The following DNAJC15 variants were observed in gnomAD, a reference collection of about 807,000 sequenced individuals.
The protein encoded by DNAJC15 is DnaJ heat shock protein family (Hsp40) member C15, also known as dnaJ homolog subfamily C member 15.
A neutral mutation model predicts 22.4 loss-of-function variants in DNAJC15; 27 were observed. That is an observed-to-expected ratio of 1.20 (90% CI 0.89 to 1.66). The LOEUF (loss-of-function observed/expected upper bound fraction) is 1.66, where lower values mean the gene tolerates loss of function less well. DNAJC15 is among the 40% of genes most tolerant of loss of function. The pLI, the probability that DNAJC15 is intolerant of heterozygous loss-of-function variation, is 0.00. For synonymous variants in DNAJC15, 79 were observed against 63.2 expected, an observed-to-expected ratio of 1.25 and a Z score of -1.19; for missense variants, 208 against 187.1, an observed-to-expected ratio of 1.11 and a Z score of -0.65.
chr13:43,053,181 T>G (rs923540094), intron 1 of DNAJC15, among the ~76,000 whole-genome samples: 1 of 152,218 alleles, frequency 6.6e-6, no homozygotes, highest in Admixed American at 6.5e-5. Flanking sequence ...CTTTATGTTT[T>G]TATTTGCTTT....
rs938343834 is a variant in DNAJC15, at chr13:43,111,810, T to C, written c.*4562T>C. 1 of 152,170 alleles carries C rather than the reference T, an allele frequency of 6.6e-6. No homozygotes were observed. The highest frequency in any genetic ancestry group is 6.5e-5 in the Admixed American group (1 of 15,280). The allele number at this position is 152,170 out of a possible 1,614,324, so 9.4% of individuals were successfully genotyped here. ...TGAGTAAATGTGTCAGCATAGTCCGTCCCTTCTAATGGAAAAGCAACCCAA... is the reference window on the plus strand; with the variant it reads ...TGAGTAAATGTGTCAGCATAGTCCGCCCCTTCTAATGGAAAAGCAACCCAA... On this transcript the variant is annotated 3_prime_UTR_variant, in exon 6 of 6. Transcript: ENST00000379221.
At chr13:43,089,603 G>A (rs1262193024) in intron 5 of DNAJC15, among the ~76,000 whole-genome samples, 1 of 152,120 alleles carries the variant, frequency 6.6e-6, no homozygotes, top group Non-Finnish European at 1.5e-5. Flanking sequence ...AATGTAATAG[G>A]CAAATGGAAA....
At position 43,078,692 on chromosome 13, in the gene DNAJC15, G is replaced by T; in HGVS notation, c.311+4G>T. 6.2e-7 allele frequency: 1 copy of T among 1,612,340 alleles called. No homozygotes were observed. Among genetic ancestry groups the T allele is most frequent in the South Asian group, 1.1e-5 (1 of 90,880 alleles). On this transcript the variant is annotated splice_donor_region_variant and intron_variant, in intron 4 of 5. Coordinates refer to ENST00000379221, the MANE Select transcript of DNAJC15 (RefSeq NM_013238.3). ...CTGGTCTTATTTTAGGTGTAAGGTA[G>T]GTGTGCAGCATAAGTATTGTTTTGT...
intron 1 of DNAJC15, among the ~76,000 whole-genome samples, chr13:43,042,227 A>G (rs987905375): frequency 6.6e-6 from 1 of 152,206 alleles, no homozygotes; most frequent in African/African-American, 2.4e-5. Flanking sequence ...TAATTTATAA[A>G]TTAGGTACAG....
At position 43,110,266 on chromosome 13, in the gene DNAJC15, CAG is replaced by C. The variant is rs1381342030; in HGVS notation, c.*3023_*3024del. 14 of 152,214 alleles carry C rather than the reference CAG, an allele frequency of 9.2e-5. No individual in the cohort carries two copies. The highest frequency in any genetic ancestry group is 1.9e-4 in the East Asian group (1 of 5,196). The allele number at this position is 152,214 out of a possible 1,614,324, so 9.4% of individuals were successfully genotyped here. Reference sequence around the variant, plus strand: ...CGTCACCATAGCAGCTGTCTTATAACAGAGAGTGGTCGGTCTGAGAGACAAAA... The same window carrying C: ...CGTCACCATAGCAGCTGTCTTATAACAGAGTGGTCGGTCTGAGAGACAAAA... On this transcript the variant is annotated 3_prime_UTR_variant, in exon 6 of 6. Transcript: ENST00000379221.
chr13:43,063,306 A>G (rs995921926), intron 1 of DNAJC15, among the ~76,000 whole-genome samples: 12 of 152,244 alleles, frequency 7.9e-5, no homozygotes, highest in African/African-American at 2.9e-4. Flanking sequence ...CACCGCGTCC[A>G]GCTTTTATTG....
chr13:43,041,743 A>C (rs1188102921), intron 1 of DNAJC15, among the ~76,000 whole-genome samples: 1 of 152,228 alleles, frequency 6.6e-6, no homozygotes, highest in African/African-American at 2.4e-5. Context: ...GTACTCAGCC[A>C]GCTGGCCAGC....
At chr13:43,044,112 GTCTT>G (rs2040465763) in intron 1 of DNAJC15, among the ~76,000 whole-genome samples, 1 of 152,142 alleles carries the variant, frequency 6.6e-6, no homozygotes, top group African/African-American at 2.4e-5. Flanking sequence ...TTTGCCAGCA[GTCTT>G]TCTTGTTTCC....
intron 1 of DNAJC15, among the ~76,000 whole-genome samples, chr13:43,052,258 C>T (rs920908548): frequency 6.6e-6 from 1 of 152,042 alleles, no homozygotes; most frequent in African/African-American, 2.4e-5. Flanking sequence ...CCACCACGCC[C>T]AGCCTATTTT....
At chr13:43,066,343 T>G (rs917058037) in intron 2 of DNAJC15, among the ~76,000 whole-genome samples, 2 of 152,050 alleles carry the variant, frequency 1.3e-5, no homozygotes, top group African/African-American at 2.4e-5. Flanking sequence ...GCCTACAGAG[T>G]TTGCCTTCAT....
At chr13:43,084,859 A>G (rs1275291056) in intron 4 of DNAJC15, among the ~76,000 whole-genome samples, 3 of 152,222 alleles carry the variant, frequency 2.0e-5, no homozygotes, top group Non-Finnish European at 2.9e-5. Flanking sequence ...ACTATGAGAC[A>G]TAAAGAGTTT....
At chr13:43,082,699 G>A (rs1341237897) in intron 4 of DNAJC15, among the ~76,000 whole-genome samples, 1 of 152,102 alleles carries the variant, frequency 6.6e-6, no homozygotes, top group Non-Finnish European at 1.5e-5. Context: ...GATTTTCAGA[G>A]CATTGTAATT....
chr13:43,058,337 C>T (rs2040541304), intron 1 of DNAJC15, among the ~76,000 whole-genome samples: 1 of 152,092 alleles, frequency 6.6e-6, no homozygotes, highest in South Asian at 2.1e-4. Context: ...ACATAGAGCT[C>T]CCAAGAGATT....
At chr13:43,100,552 C>A (rs565075318) in intron 5 of DNAJC15, among the ~76,000 whole-genome samples, 1 of 152,074 alleles carries the variant, frequency 6.6e-6, no homozygotes, top group Admixed American at 6.6e-5. Flanking sequence ...CAATAAATTT[C>A]TCTGCACTGC....
At chr13:43,055,477 C>G (rs1439143547) in intron 1 of DNAJC15, among the ~76,000 whole-genome samples, 1 of 152,160 alleles carries the variant, frequency 6.6e-6, no homozygotes, top group African/African-American at 2.4e-5. Context: ...TTGCTCCAAA[C>G]TCAAGTCTGT....
At chr13:43,054,870 C>T (rs554846195) in intron 1 of DNAJC15, among the ~76,000 whole-genome samples, 1 of 152,164 alleles carries the variant, frequency 6.6e-6, no homozygotes, top group African/African-American at 2.4e-5. Context: ...TCATGCAGTT[C>T]AAAGAAATCA....
At chr13:43,078,572 C>G in intron 3 of DNAJC15, 40 bp from the exon 4 acceptor site, 1 of 1,566,892 alleles carries the variant, frequency 6.4e-7, no homozygotes, top group Non-Finnish European at 8.8e-7. Flanking sequence ...CCACCTCATA[C>G]GTGGAACTAA....
intron 1 of DNAJC15, among the ~76,000 whole-genome samples, chr13:43,052,089 C>T (rs999615542): frequency 2.0e-5 from 3 of 151,840 alleles, no homozygotes; most frequent in South Asian, 2.1e-4. Flanking sequence ...CTCAGCCTGC[C>T]GAGTAGCTGG....
chr13:43,074,837 C>A (rs1356613801), intron 3 of DNAJC15, among the ~76,000 whole-genome samples: 1 of 152,022 alleles, frequency 6.6e-6, no homozygotes, highest in African/African-American at 2.4e-5. Flanking sequence ...GTTTGAACTG[C>A]ACAGGTCCAC....
Sources: allele counts gnomAD v4.1 joint callset (sites outside exome capture counted in the v4.1 genomes callset), GRCh38; gene constraint gnomAD v4.1.1; transcripts MANE v1.5; gene names NCBI Gene and HGNC (gene_info 2026-07-23, HGNC 2026-07-21).